PDCD4: variants seen among roughly 807,000 people sequenced by gnomAD.
PDCD4 encodes programmed cell death 4.
PDCD4 carries 56 observed loss-of-function variants against 54.0 expected under a neutral mutation model. The ratio of observed to expected loss-of-function variants is 1.04; its 90% CI spans 0.84 to 1.30. PDCD4 has a LOEUF of 1.30. Ranked by LOEUF, PDCD4 falls within the 50% of genes most tolerant of loss-of-function variation. The pLI is 0.00. For synonymous variants in PDCD4, 186 were observed against 194.8 expected (o/e 0.95, Z 0.37); for missense variants, 584 against 559.8 (o/e 1.04, Z -0.44).
intron 5 of PDCD4, 70 bp downstream of exon 5, chr10:110,885,436 TCTA>T: frequency 1.5e-6 from 1 of 661,152 alleles, no homozygotes; most frequent in Non-Finnish European, 2.7e-6. Context: ...GCAAAATACA[TCTA>T]CAATGATCTT....
rs1214962786 is a variant in PDCD4 at position 110,898,693 on chromosome 10, C to A, written c.*605C>A. The A allele has an allele frequency of 6.6e-6, 1 of 152,428 alleles. No homozygotes were observed. The highest frequency in any genetic ancestry group is 2.4e-5 in the African/African-American group (1 of 41,364). The allele number at this position is 152,428 out of a possible 1,614,324, so 9.4% of individuals were successfully genotyped here. On this transcript the variant is annotated 3_prime_UTR_variant, in exon 12 of 12. Transcript: ENST00000280154. The stretch of plus-strand genomic sequence containing the variant: ...TTTTCTACAAAACTGGAAAAATGAA[C>A]CTGGTTCTAGAAGAATGTACACCAA...
At chr10:110,885,880 A>G (rs1305200257) in intron 5 of PDCD4, among the ~76,000 whole-genome samples, 1 of 152,178 alleles carries the variant, frequency 6.6e-6, no homozygotes, top group Non-Finnish European at 1.5e-5. Flanking sequence ...AATAATCATG[A>G]TTTGTTCATA....
intron 10 of PDCD4, among the ~76,000 whole-genome samples, chr10:110,895,497 T>G (rs1238828562): frequency 2.0e-5 from 3 of 152,206 alleles, no homozygotes; most frequent in Admixed American, 6.5e-5. Context: ...GCACTTGGAT[T>G]GATGCCATGT....
chr10:110,896,300 T>C (rs928468161), intron 11 of PDCD4, among the ~76,000 whole-genome samples: 3 of 152,198 alleles, frequency 2.0e-5, no homozygotes, highest in Admixed American at 1.3e-4. Context: ...AAGAAACTAA[T>C]CTTGTGGAGC....
intron 1 of PDCD4, among the ~76,000 whole-genome samples, chr10:110,872,631 C>T (rs553194076): frequency 6.6e-6 from 1 of 152,198 alleles, no homozygotes; most frequent in Non-Finnish European, 1.5e-5. Flanking sequence ...TGGGGAGGGG[C>T]CGCGCGCTAT....
At position 110,890,344 on chromosome 10, in the gene PDCD4, T is replaced by G. The variant is rs138784689; in HGVS notation, c.876-212T>G. Among the ~76,000 whole-genome samples, 96 of 152,312 alleles carry G rather than the reference T, an allele frequency of 6.3e-4. No homozygotes were observed. Among genetic ancestry groups the G allele is most frequent in the African/African-American group, 2.3e-3 (95 of 41,580 alleles). On this transcript the variant is annotated intron_variant, in intron 7 of 11. Coordinates refer to ENST00000280154, the MANE Select transcript of PDCD4 (RefSeq NM_014456.5). ...TTTTGTAATGTGTTTTGATTTTTCT[T>G]GAATGAGAAATGAAATAGAGCATGA... is the stretch of plus-strand genomic sequence containing the variant.
intron 2 of PDCD4, among the ~76,000 whole-genome samples, chr10:110,878,286 GC>G (rs1327201601): frequency 6.6e-6 from 1 of 152,184 alleles, no homozygotes; most frequent in Non-Finnish European, 1.5e-5. Context: ...AATGTTTACT[GC>G]TGCAGAGACA....
rs1258168442 is a variant in PDCD4 at position 110,883,059 on chromosome 10, G to C, written c.403G>C (p.Glu135Gln). Residue 135 changes from glutamate to glutamine, a missense_variant, in exon 4 of 12, where the codon GAG becomes CAG. Coordinates refer to ENST00000280154, the MANE Select transcript of PDCD4 (RefSeq NM_014456.5). ...GTPGQVYDVE[E>Q]VDVKDPNYDD... ...ACCTGGACAGGTGTATGATGTGGAG[G>C]AGGTGGATGTGAAAGATCCTAACTA... 5 of 1,598,536 alleles carry C rather than the reference G, an allele frequency of 3.1e-6. No individual in the cohort carries two copies. Among genetic ancestry groups the C allele is most frequent in the Non-Finnish European group, 4.3e-6 (5 of 1,174,220 alleles).
At chr10:110,872,068 C>G (rs1013377743) in intron 1 of PDCD4, 50 bp downstream of exon 1, 1 of 152,484 alleles carries the variant, frequency 6.6e-6, no homozygotes, top group East Asian at 1.9e-4. Context: ...TGCGCCCTCT[C>G]CCCCATCCCT....
In PDCD4 at chr10:110,889,643, CTT is replaced by C. The variant is rs1374896769; in HGVS notation, c.875+16_875+17del. On this transcript the variant is annotated intron_variant, in intron 7 of 11. Coordinates refer to ENST00000280154, the MANE Select transcript of PDCD4 (RefSeq NM_014456.5). ...GTGTGCAGGCTAGGTAAGTAAATCA[CTT>C]TTCCTACTTAGAATTTCAAAATAGG... 1.6e-5 allele frequency: 23 copies of C among 1,418,028 alleles called. No individual in the cohort carries two copies. The highest frequency in any genetic ancestry group is 2.1e-5 in the Non-Finnish European group (21 of 1,014,574). The allele number at this position is 1,418,028 out of a possible 1,614,324, so 87.8% of individuals were successfully genotyped here. A position where few individuals can be genotyped will look rare whatever the true frequency, so the allele number is the denominator to read the frequency against.
chr10:110,872,585 C>CCT (rs1182316616), intron 1 of PDCD4, among the ~76,000 whole-genome samples: 1 of 152,228 alleles, frequency 6.6e-6, no homozygotes, highest in East Asian at 1.9e-4. Flanking sequence ...GGGGTCCTAG[C>CCT]CTGAGCCCGC....
At position 110,887,885 on chromosome 10, in the gene PDCD4, A is replaced by T; in HGVS notation, c.776A>T (p.Gln259Leu). The change falls in exon 6 of 12, where the codon CAG (glutamine) becomes CTG (leucine). Residue 259 changes from glutamine (Q) to leucine (L), a missense_variant and splice_region_variant. By Grantham distance (113) the Gln-to-Leu change is moderately radical. Transcript: ENST00000280154. ...ELALDTPRAP[Q>L]LVGQFIARAV... ...GCACTGGATACTCCTAGAGCACCACAGGTTTGTATGATTCTTCTTTTTGTT... is the reference window on the plus strand; with the variant it reads ...GCACTGGATACTCCTAGAGCACCACTGGTTTGTATGATTCTTCTTTTTGTT... The T allele has an allele frequency of 6.3e-7, 1 of 1,578,972 alleles. No homozygotes were observed. The highest frequency in any genetic ancestry group is 1.1e-5 in the South Asian group (1 of 90,284).
intron 11 of PDCD4, among the ~76,000 whole-genome samples, chr10:110,897,597 A>T (rs1198424444): frequency 6.6e-6 from 1 of 151,562 alleles, no homozygotes; most frequent in African/African-American, 2.4e-5. Flanking sequence ...TTGATAAAAC[A>T]TTTTTTTTTA....
intron 2 of PDCD4, chr10:110,876,882 G>T: frequency 2.6e-6 from 1 of 383,016 alleles, no homozygotes; most frequent in Non-Finnish European, 4.8e-6. Context: ...ATAATTCTTT[G>T]TCTTATAATT....
At chr10:110,886,034 G>A (rs1247621981) in intron 5 of PDCD4, among the ~76,000 whole-genome samples, 3 of 152,118 alleles carry the variant, frequency 2.0e-5, no homozygotes, top group African/African-American at 7.2e-5. Context: ...GATACTGTGA[G>A]GTTTGATATC....
chr10:110,891,770 G>A (rs1590736319), intron 8 of PDCD4, among the ~76,000 whole-genome samples: 1 of 152,100 alleles, frequency 6.6e-6, no homozygotes, highest in East Asian at 1.9e-4. Context: ...ATGAGTCAGT[G>A]TTTGTAATGT....
In PDCD4 at chr10:110,883,037, T is replaced by C. The variant is rs761574922; in HGVS notation, c.381T>C (p.Pro127=). ...GAGGKGVWGT[P]GQVYDVEEVD... is the part of the protein sequence containing the mutation. ...GAGGCAAAGGTGTCTGGGGTACACC[T>C]GGACAGGTGTATGATGTGGAGGAGG... The change falls in exon 4 of 12, where the codon CCT becomes CCC. Residue 127 remains proline, a synonymous_variant. Coordinates refer to ENST00000280154, the MANE Select transcript of PDCD4 (RefSeq NM_014456.5). 1.2e-6 allele frequency: 2 copies of C among 1,602,070 alleles called. No homozygotes were observed. Among genetic ancestry groups the C allele is most frequent in the Non-Finnish European group, 1.7e-6 (2 of 1,175,316 alleles).
chr10:110,892,530 C>G (rs1193575544), intron 8 of PDCD4, among the ~76,000 whole-genome samples: 1 of 152,100 alleles, frequency 6.6e-6, no homozygotes, highest in East Asian at 1.9e-4. Flanking sequence ...TTTAATACTT[C>G]TAAAGTTATG....
chr10:110,890,756 G>A (rs1845743048), intron 8 of PDCD4, 86 bp downstream of exon 8: 1 of 733,722 alleles, frequency 1.4e-6, no homozygotes, highest in Non-Finnish European at 2.1e-6. Context: ...TATTTTTATG[G>A]ACAAAAATTA....
Sources: allele counts gnomAD v4.1 joint callset (sites outside exome capture counted in the v4.1 genomes callset), GRCh38; gene constraint gnomAD v4.1.1; transcripts MANE v1.5; gene names NCBI Gene and HGNC (gene_info 2026-07-23, HGNC 2026-07-21).